Variants in SERPINA3 observed in about 807,000 individuals in gnomAD.
The protein encoded by SERPINA3 is alpha-1-antichymotrypsin.
Under a neutral mutation model 26.8 loss-of-function variants are expected in SERPINA3, and 32 were observed. The observed-to-expected ratio is 1.20, with a 90% CI of 0.90 to 1.61. SERPINA3 has a LOEUF of 1.61. Among genes scored for constraint, SERPINA3 ranks in the 40% most tolerant of loss-of-function variants. SERPINA3 has a pLI of 0.00. For missense variants in SERPINA3, 632 were observed against 517.9 expected (o/e 1.22, Z -2.14); for synonymous variants, 252 against 206.4 (o/e 1.22, Z -1.89).
At chr14:94,619,600 C>A in intron 3 of SERPINA3, 132 bp downstream of exon 3, 1 of 1,125,078 alleles carries the variant, frequency 8.9e-7, no homozygotes, top group Non-Finnish European at 1.3e-6. Flanking sequence ...TTGCCCTATG[C>A]TGCCTACATG....
At position 94,622,349 on chromosome 14, in the gene SERPINA3, G is replaced by A. The variant is rs763100408; in HGVS notation, c.926G>A (p.Gly309Asp). Residue 309 changes from glycine (G) to aspartate (D), a missense_variant, in exon 4 of 5, where the codon GGT (glycine) becomes GAT (aspartate). Coordinates refer to ENST00000393078, the MANE Select transcript of SERPINA3 (RefSeq NM_001085.5). ...TTTTTCTCGTTTTCTAGAGAGATAG[G>A]TGAGCTCTACCTGCCAAAGTTTTCC... Reference protein sequence around the residue: ...WRDSLEFREIGELYLPKFSIS... With the variant: ...WRDSLEFREIDELYLPKFSIS... 8 of 1,613,906 alleles carry A rather than the reference G, an allele frequency of 5.0e-6. No homozygotes were observed. Among genetic ancestry groups the A allele is most frequent in the African/African-American group, 4.0e-5 (3 of 74,874 alleles).
chr14:94,616,602 C>G (rs986362867), intron 2 of SERPINA3, among the ~76,000 whole-genome samples: 3 of 152,154 alleles, frequency 2.0e-5, no homozygotes, highest in African/African-American at 7.2e-5. Context: ...CAAGGATTGA[C>G]TCACCCAGTG....
intron 2 of SERPINA3, chr14:94,618,330 C>T (rs1886074201): frequency 6.6e-6 from 1 of 152,070 alleles, no homozygotes; most frequent in Non-Finnish European, 1.5e-5. Flanking sequence ...AGGAGTCAGG[C>T]TGCATTTCAG....
intron 2 of SERPINA3, among the ~76,000 whole-genome samples, chr14:94,616,254 A>T (rs970280597): frequency 6.6e-6 from 1 of 152,106 alleles, no homozygotes; most frequent in African/African-American, 2.4e-5. Flanking sequence ...TGGGCAGTGG[A>T]GGTGGCCCCA....
At position 94,614,860 on chromosome 14, in the gene SERPINA3, C is replaced by A. The variant is rs1453803275; in HGVS notation, c.419C>A (p.Ala140Asp). Residue 140 changes from alanine to aspartate, a missense_variant, in exon 2 of 5, where the codon GCC becomes GAC. By Grantham distance (126) the Ala-to-Asp change is moderately radical. Coordinates refer to ENST00000393078, the MANE Select transcript of SERPINA3 (RefSeq NM_001085.5). ...GAGCTGCAGCTGAGTATGGGAAATG[C>A]CATGTTTGTCAAAGAGCAACTCAGT... ...SDELQLSMGN[A>D]MFVKEQLSLL... The A allele has an allele frequency of 6.2e-7, 1 of 1,614,208 alleles. No homozygotes were observed. Among genetic ancestry groups the A allele is most frequent in the Non-Finnish European group, 8.5e-7 (1 of 1,180,038 alleles).
intron 4 of SERPINA3, 40 bp from the exon 5 acceptor site, chr14:94,623,571 A>G (rs1210977648): frequency 1.3e-6 from 2 of 1,592,790 alleles, no homozygotes; most frequent in South Asian, 1.1e-5. Context: ...ACTCCTGCGC[A>G]TCTGTGTTTC....
intron 4 of SERPINA3, 153 bp from the exon 5 acceptor site, chr14:94,623,457 GC>G: frequency 1.4e-6 from 1 of 735,698 alleles, no homozygotes; most frequent in Non-Finnish European, 2.4e-6. Context: ...AAACTAGTTG[GC>G]AGGGGAGTTG....
In SERPINA3 at chr14:94,623,773, ATCT is replaced by A; in HGVS notation, c.1237_1239del (p.Phe413del). 4 of 1,614,168 alleles carry A rather than the reference ATCT, an allele frequency of 2.5e-6. No homozygotes were observed. The South Asian group carries it at 3.3e-5, about 13-fold the overall frequency. On this transcript the variant is annotated inframe_deletion, in exon 5 of 5. Coordinates refer to ENST00000393078, the MANE Select transcript of SERPINA3 (RefSeq NM_001085.5). Reference sequence around the variant, plus strand: ...CATTGTCCCTACAGACACCCAGAACATCTTCTTCATGAGCAAAGTCACCAATCC... The same window carrying A: ...CATTGTCCCTACAGACACCCAGAACATCTTCATGAGCAAAGTCACCAATCC...
chr14:94,614,393 C>G, intron 1 of SERPINA3, 41 bp from the exon 2 acceptor site: 1 of 1,596,314 alleles, frequency 6.3e-7, no homozygotes, highest in South Asian at 1.1e-5. Context: ...GGTCGGGGCT[C>G]CATCTGGCCC....
rs144060757 is a variant in SERPINA3 at position 94,614,514 on chromosome 14, C to A, written c.73C>A (p.Pro25Thr). 2.5e-6 allele frequency: 4 copies of A among 1,613,796 alleles called. No homozygotes were observed. Among genetic ancestry groups the A allele is most frequent in the Non-Finnish European group, 3.4e-6 (4 of 1,179,846 alleles). The change falls in exon 2 of 5, where the codon CCT becomes ACT. Residue 25 changes from proline (P) to threonine (T), a missense_variant. Physicochemically the swap from Pro to Thr is conservative, Grantham distance 38. Coordinates refer to ENST00000393078, the MANE Select transcript of SERPINA3 (RefSeq NM_001085.5). Reference protein sequence around the residue: ...AGFCPAVLCHPNSPLDEENLT... With the variant: ...AGFCPAVLCHTNSPLDEENLT... ...GTTCTGCCCTGCTGTCCTCTGCCAC[C>A]CTAACAGCCCACTTGACGAGGAGAA...
chr14:94,623,669 C>G lies in SERPINA3; in HGVS notation c.1127C>G (p.Thr376Arg). Residue 376 changes from threonine (T) to arginine (R), a missense_variant, in exon 5 of 5, where the codon ACA (threonine) becomes AGA (arginine). Transcript: ENST00000393078. ...FEEGTEASAA[T>R]AVKITLLSAL... ...GAGGGCACAGAAGCATCTGCTGCCA[C>G]AGCAGTCAAAATCACCCTCCTTTCT... The G allele has an allele frequency of 6.2e-7, 1 of 1,614,176 alleles. No individual in the cohort carries two copies. Among genetic ancestry groups the G allele is most frequent in the Non-Finnish European group, 8.5e-7 (1 of 1,180,020 alleles).
chr14:94,623,099 G>C lies in SERPINA3; in HGVS notation c.1069-512G>C, dbSNP rs149642406. Among the ~76,000 whole-genome samples the C allele has an allele frequency of 9.9e-5, 15 of 152,256 alleles. No homozygotes were observed. The East Asian group carries it at 2.5e-3, about 26-fold the overall frequency. ...AGAGAGGGTTGTGTGTAGAGGAGCA[G>C]ACCCGTATGGTTCAGGAATTCAAGG... On this transcript the variant is annotated intron_variant, in intron 4 of 4. Coordinates refer to ENST00000393078, the MANE Select transcript of SERPINA3 (RefSeq NM_001085.5).
At position 94,623,802 on chromosome 14, in the gene SERPINA3, C is replaced by T. The variant is rs547276081; in HGVS notation, c.1260C>T (p.Pro420=). 8.7e-6 allele frequency: 14 copies of T among 1,614,026 alleles called. No individual in the cohort carries two copies. The East Asian group carries it at 2.9e-4, about 33-fold the overall frequency. ...TCTTCATGAGCAAAGTCACCAATCC[C>T]AAGCAAGCCTAGAGCTTGCCATCAA... The part of the protein sequence containing the change: ...NIFFMSKVTN[P]KQA Residue 420 remains proline (P), a synonymous_variant, in exon 5 of 5, where the codon CCC becomes CCT. Coordinates refer to ENST00000393078, the MANE Select transcript of SERPINA3 (RefSeq NM_001085.5).
At chr14:94,620,988 C>A (rs993371619) in intron 3 of SERPINA3, among the ~76,000 whole-genome samples, 1 of 152,112 alleles carries the variant, frequency 6.6e-6, no homozygotes, top group African/African-American at 2.4e-5. Flanking sequence ...CCCCACCACC[C>A]CTGTTTTCAC....
intron 1 of SERPINA3, chr14:94,613,691 A>C (rs1885869901): frequency 6.6e-6 from 1 of 152,224 alleles, no homozygotes; most frequent in African/African-American, 2.4e-5. Flanking sequence ...CCTTCTCCCC[A>C]CTAAGAGGCC....
intron 2 of SERPINA3, chr14:94,615,668 C>T: frequency 3.2e-6 from 1 of 311,186 alleles, no homozygotes; most frequent in Non-Finnish European, 6.3e-6. Flanking sequence ...ATGTCACTGA[C>T]ACATAACAAA....
intron 4 of SERPINA3, 198 bp downstream of exon 4, chr14:94,622,689 C>A: frequency 1.5e-6 from 1 of 647,348 alleles, no homozygotes. Context: ...AGGGGTTGAG[C>A]CTCTACAACA....
At position 94,614,956 on chromosome 14, in the gene SERPINA3, A is replaced by C. The variant is rs1401116608; in HGVS notation, c.515A>C (p.Asp172Ala). Residue 172 changes from aspartate to alanine, a missense_variant, in exon 2 of 5, where the codon GAC becomes GCC. Asp to Ala is a moderately radical substitution (Grantham distance 126). Coordinates refer to ENST00000393078, the MANE Select transcript of SERPINA3 (RefSeq NM_001085.5). ...GAGGCCTTTGCCACTGACTTTCAGG[A>C]CTCAGCTGCAGCTAAGAAGCTCATC... ...GSEAFATDFQ[D>A]SAAAKKLIND... The C allele has an allele frequency of 6.2e-7, 1 of 1,613,286 alleles. No individual in the cohort carries two copies. The highest frequency in any genetic ancestry group is 8.5e-7 in the Non-Finnish European group (1 of 1,179,212).
intron 1 of SERPINA3, 56 bp from the exon 2 acceptor site, chr14:94,614,378 G>A: frequency 6.4e-7 from 1 of 1,557,904 alleles, no homozygotes; most frequent in Non-Finnish European, 8.8e-7. Flanking sequence ...AGGGCAGTGG[G>A]AGGTGGTCGG....
Sources: allele counts gnomAD v4.1 joint callset (sites outside exome capture counted in the v4.1 genomes callset), GRCh38; gene constraint gnomAD v4.1.1; transcripts MANE v1.5; gene names NCBI Gene and HGNC (gene_info 2026-07-23, HGNC 2026-07-21).